DACH1: variants seen among roughly 807,000 people sequenced by gnomAD.
The protein encoded by DACH1 is dachshund family transcription factor 1.
In DACH1, 12 loss-of-function variants were observed where a neutral mutation model predicts 54.2. The ratio of observed to expected loss-of-function variants is 0.22; its 90% CI spans 0.14 to 0.36. The LOEUF is 0.36. DACH1 is among the 10% of genes least tolerant of loss of function. The pLI, the probability that DACH1 is intolerant of heterozygous loss-of-function variation, is 1.00. For missense variants in DACH1, 805 were observed against 929.8 expected, an observed-to-expected ratio of 0.87 and a Z score of 1.75; for synonymous variants, 386 against 366.2, an observed-to-expected ratio of 1.05 and a Z score of -0.62.
chr13:71,532,874 T>TG (rs1882506864), intron 6 of DACH1, among the ~76,000 whole-genome samples: 1 of 151,932 alleles, frequency 6.6e-6, no homozygotes. Flanking sequence ...AATTTTCTAG[T>TG]TAATAAATAT....
At chr13:71,550,972 C>T (rs1349996233) in intron 6 of DACH1, among the ~76,000 whole-genome samples, 1 of 151,710 alleles carries the variant, frequency 6.6e-6, no homozygotes, top group Non-Finnish European at 1.5e-5. Flanking sequence ...ATACTCATGG[C>T]CCTATAATAT....
intron 2 of DACH1, among the ~76,000 whole-genome samples, chr13:71,651,487 C>T (rs917160895): frequency 3.3e-5 from 5 of 152,048 alleles, no homozygotes; most frequent in African/African-American, 1.2e-4. Flanking sequence ...ATGGCAAAAT[C>T]CTGTCTTTAC....
At chr13:71,620,374 C>T (rs1876133491) in intron 3 of DACH1, among the ~76,000 whole-genome samples, 1 of 151,870 alleles carries the variant, frequency 6.6e-6, no homozygotes, top group African/African-American at 2.4e-5. Flanking sequence ...AAGACTATTT[C>T]TCCCAAAAAC....
intron 1 of DACH1, among the ~76,000 whole-genome samples, chr13:71,688,809 A>G (rs1034649476): frequency 2.0e-5 from 3 of 152,218 alleles, no homozygotes; most frequent in Admixed American, 6.5e-5. Flanking sequence ...TATGCAAAAT[A>G]CAAATGTTCC....
intron 10 of DACH1, among the ~76,000 whole-genome samples, chr13:71,448,312 T>G (rs1285267544): frequency 6.6e-6 from 1 of 152,222 alleles, no homozygotes; most frequent in East Asian, 1.9e-4. Context: ...TAAAATATAG[T>G]AGCCGTGTGT....
At chr13:71,860,304 C>T (rs954178215) in intron 1 of DACH1, among the ~76,000 whole-genome samples, 7 of 151,550 alleles carry the variant, frequency 4.6e-5, no homozygotes, top group African/African-American at 1.7e-4. Context: ...AAGAAAATGG[C>T]ACATGCTGAC....
At chr13:71,773,716 AG>A (rs1275231233) in intron 1 of DACH1, among the ~76,000 whole-genome samples, 1 of 152,064 alleles carries the variant, frequency 6.6e-6, no homozygotes, top group Non-Finnish European at 1.5e-5. Flanking sequence ...ATCTCTTTCC[AG>A]GTTCAAAGTC....
chr13:71,840,364 C>G (rs1392062515), intron 1 of DACH1, among the ~76,000 whole-genome samples: 1 of 152,086 alleles, frequency 6.6e-6, no homozygotes, highest in Non-Finnish European at 1.5e-5. Flanking sequence ...TAAAAATCTT[C>G]CAATGGAAAA....
At chr13:71,758,616 A>G (rs1187962763) in intron 1 of DACH1, among the ~76,000 whole-genome samples, 1 of 152,146 alleles carries the variant, frequency 6.6e-6, no homozygotes, top group Non-Finnish European at 1.5e-5. Context: ...AATACCTTGA[A>G]ACGCACCACT....
At position 71,646,692 on chromosome 13, in the gene DACH1, G is replaced by C. The variant is rs560266424; in HGVS notation, c.965-15975C>G. Among the ~76,000 whole-genome samples, 4 of 152,274 alleles carry C rather than the reference G, an allele frequency of 2.6e-5. No individual in the cohort carries two copies. The South Asian group carries it at 8.3e-4, about 32-fold the overall frequency. On this transcript the variant is annotated intron_variant, in intron 2 of 10. Transcript: ENST00000613252. ...AAAAGTAATTCTTATATACCATTTA[G>C]TGGAAAATAGAAAATCCTCCGTACT...
chr13:71,446,095 C>T (rs1234100390), intron 10 of DACH1, among the ~76,000 whole-genome samples: 2 of 152,104 alleles, frequency 1.3e-5, no homozygotes, highest in African/African-American at 2.4e-5. Context: ...CCCTGGAGTG[C>T]GTCCATAGCT....
At chr13:71,841,006 T>C (rs1200897549) in intron 1 of DACH1, among the ~76,000 whole-genome samples, 1 of 152,198 alleles carries the variant, frequency 6.6e-6, no homozygotes, top group Non-Finnish European at 1.5e-5. Context: ...TATTTTACTG[T>C]ATGTTTTAGA....
intron 1 of DACH1, among the ~76,000 whole-genome samples, chr13:71,815,001 C>A (rs1326772783): frequency 1.3e-5 from 2 of 152,076 alleles, no homozygotes; most frequent in Non-Finnish European, 2.9e-5. Flanking sequence ...GTAAACTAAA[C>A]GGGTGGGGAG....
intron 6 of DACH1, among the ~76,000 whole-genome samples, chr13:71,506,652 A>G (rs1210437517): frequency 6.6e-6 from 1 of 152,062 alleles, no homozygotes; most frequent in Non-Finnish European, 1.5e-5. Flanking sequence ...CTGACTTCAA[A>G]CTATACTACA....
intron 1 of DACH1, among the ~76,000 whole-genome samples, chr13:71,811,805 A>C (rs553307288): frequency 6.6e-6 from 1 of 152,330 alleles, no homozygotes; most frequent in African/African-American, 2.4e-5. Context: ...ACATGTGAGG[A>C]TAATGTAAGT....
chr13:71,737,181 C>T (rs376303351), intron 1 of DACH1, among the ~76,000 whole-genome samples: 1 of 152,020 alleles, frequency 6.6e-6, no homozygotes, highest in South Asian at 2.1e-4. Flanking sequence ...TAAGATCACG[C>T]CTTTGCACTC....
At chr13:71,816,630 ACACACACATATGTGTG>A (rs1887953859) in intron 1 of DACH1, among the ~76,000 whole-genome samples, 1 of 23,292 alleles carries the variant, frequency 4.3e-5, no homozygotes, top group African/African-American at 1.0e-4. Flanking sequence ...GTGTATATAT[ACACACACATATGTGTG>A]TATATATATA....
intron 6 of DACH1, among the ~76,000 whole-genome samples, chr13:71,537,381 C>G (rs955196576): frequency 2.6e-5 from 4 of 152,114 alleles, no homozygotes; most frequent in Non-Finnish European, 5.9e-5. Context: ...AAAACACCAA[C>G]TAATATAAGT....
At chr13:71,669,231 G>A (rs1332509121) in intron 2 of DACH1, among the ~76,000 whole-genome samples, 1 of 152,122 alleles carries the variant, frequency 6.6e-6, no homozygotes, top group Non-Finnish European at 1.5e-5. Flanking sequence ...GGGCCACACA[G>A]CAGGAGCTGA....
Sources: allele counts gnomAD v4.1 joint callset (sites outside exome capture counted in the v4.1 genomes callset), GRCh38; gene constraint gnomAD v4.1.1; transcripts MANE v1.5; gene names NCBI Gene and HGNC (gene_info 2026-07-23, HGNC 2026-07-21).